The following TULP1 variants were observed in gnomAD, a reference collection of about 807,000 sequenced individuals.
TULP1 encodes the protein TUB like protein 1.
In TULP1, 50 loss-of-function variants were observed where a neutral mutation model predicts 67.1. The observed-to-expected ratio is 0.75, with a 90% CI of 0.59 to 0.94. TULP1 has a LOEUF of 0.94. TULP1 is among the 40% of genes least tolerant of loss of function. The pLI is 0.00. For synonymous variants in TULP1, 297 were observed against 294.0 expected, an observed-to-expected ratio of 1.01 and a Z score of -0.11; for missense variants, 746 against 734.1, an observed-to-expected ratio of 1.02 and a Z score of -0.19.
intron 13 of TULP1, among the ~76,000 whole-genome samples, chr6:35,501,509 G>GAAAA (rs67875217): frequency 0.075 from 6,598 of 88,534 alleles, 560 homozygotes; most frequent in Admixed American, 0.11. Context: ...CTCGGTCTCA[G>GAAAA]AAAAAAAAAA....
rs768633111 is a variant in TULP1 at position 35,512,654 on chromosome 6, C to T, written c.84G>A (p.Pro28=). 5 of 1,613,774 alleles carry T rather than the reference C, an allele frequency of 3.1e-6. No homozygotes were observed. Among genetic ancestry groups the T allele is most frequent in the Non-Finnish European group, 4.2e-6 (5 of 1,179,936 alleles). Reference sequence around the variant, plus strand: ...GGTGGCATACCTGTTTGGGGCGCCGCGGGGCCTCCGGGCTCAGGCTTTCTT... The same window carrying T: ...GGTGGCATACCTGTTTGGGGCGCCGTGGGGCCTCCGGGCTCAGGCTTTCTT... The part of the protein sequence containing the change: ...HEEESLSPEA[P]RRPKQRPAPA... The change falls in exon 2 of 15, where the codon CCG becomes CCA. Residue 28 remains proline (P), a synonymous_variant. Coordinates refer to ENST00000229771, the MANE Select transcript of TULP1 (RefSeq NM_003322.6).
chr6:35,509,270 TC>T lies in TULP1; in HGVS notation c.760del (p.Glu254ArgfsTer5). The T allele has an allele frequency of 6.2e-7, 1 of 1,606,518 alleles. No individual in the cohort carries two copies. Among genetic ancestry groups the T allele is most frequent in the East Asian group, 2.2e-5 (1 of 44,740 alleles). On this transcript the variant is annotated frameshift_variant, in exon 8 of 15. Coordinates refer to ENST00000229771, the MANE Select transcript of TULP1 (RefSeq NM_003322.6). LOFTEE classifies it high-confidence loss of function. ...GARKEEEEEE[E>X]AATVIKKSNQ... ...GCTCTTCTTTATCACCGTAGCTGCC[TC>T]CTCCTCCTCTTCTTCCTCCTTCCTC...
intron 7 of TULP1, 143 bp from the exon 8 acceptor site, chr6:35,509,455 A>G: frequency 9.2e-7 from 1 of 1,083,496 alleles, no homozygotes; most frequent in Non-Finnish European, 1.4e-6. Context: ...AAAGGCTAAG[A>G]CACCTGCCTG....
At chr6:35,508,705 G>A (rs556001085) in intron 8 of TULP1, among the ~76,000 whole-genome samples, 1 of 152,316 alleles carries the variant, frequency 6.6e-6, no homozygotes, top group East Asian at 1.9e-4. Flanking sequence ...GGAGAAACAG[G>A]GAGGCTCCTG....
chr6:35,498,263 C>T lies in TULP1; in HGVS notation c.*64G>A. 1 of 1,594,474 alleles carries T rather than the reference C, an allele frequency of 6.3e-7. No homozygotes were observed. Among genetic ancestry groups the T allele is most frequent in the Non-Finnish European group, 8.5e-7 (1 of 1,174,140 alleles). ...GGGAGCTTTGCTGGAGGGACCCTGC[C>T]AGCCTCCACTGAATCCTTTCCCCCA... On this transcript the variant is annotated 3_prime_UTR_variant, in exon 15 of 15. Coordinates refer to ENST00000229771, the MANE Select transcript of TULP1 (RefSeq NM_003322.6). This position sits in a 1 kb window ranked among gnomAD's most constrained non-coding sequence, Gnocchi z 6.7.
Position 35,498,255 on chromosome 6 carries a change from G to T in TULP1, c.*72C>A, listed in dbSNP as rs773083501. The T allele has an allele frequency of 1.9e-6, 3 of 1,581,474 alleles. No individual in the cohort carries two copies. The highest frequency in any genetic ancestry group is 2.7e-5 in the African/African-American group (2 of 74,322). On this transcript the variant is annotated 3_prime_UTR_variant, in exon 15 of 15. Coordinates refer to ENST00000229771, the MANE Select transcript of TULP1 (RefSeq NM_003322.6). This position sits in a 1 kb window ranked among gnomAD's most constrained non-coding sequence, Gnocchi z 6.7. ...TTTTCCGCGGGAGCTTTGCTGGAGG[G>T]ACCCTGCCAGCCTCCACTGAATCCT... is the stretch of plus-strand genomic sequence containing the variant.
Position 35,500,134 on chromosome 6 carries a change from C to T in TULP1, c.1342G>A (p.Val448Met). 6.2e-7 allele frequency: 1 copy of T among 1,614,070 alleles called. No individual in the cohort carries two copies. The highest frequency in any genetic ancestry group is 8.5e-7 in the Non-Finnish European group (1 of 1,180,018). ...TCCAGCGTCTTGTTCTGCCAGCGCA[C>T]CAGCAGGCCGTCACTAGCCTGGGGT... Reference protein sequence around the residue: ...RPRNASDGLLVRWQNKTLESL... With the variant: ...RPRNASDGLLMRWQNKTLESL... The change falls in exon 14 of 15, where the codon GTG (valine) becomes ATG (methionine). Residue 448 changes from valine to methionine, a missense_variant. Coordinates refer to ENST00000229771, the MANE Select transcript of TULP1 (RefSeq NM_003322.6).
chr6:35,500,248 C>G (rs770601191), intron 13 of TULP1, 96 bp from the exon 14 acceptor site: 12 of 1,369,234 alleles, frequency 8.8e-6, no homozygotes, highest in Non-Finnish European at 1.2e-5. Context: ...CATGTGTGCA[C>G]AGGGGTGTGG....
intron 8 of TULP1, among the ~76,000 whole-genome samples, chr6:35,506,766 G>C (rs1208735463): frequency 6.6e-6 from 1 of 152,152 alleles, no homozygotes; most frequent in Non-Finnish European, 1.5e-5. Flanking sequence ...CACATAACTA[G>C]TAAGAGGTGG....
intron 14 of TULP1, among the ~76,000 whole-genome samples, chr6:35,499,766 G>T (rs1768788718): frequency 6.6e-6 from 1 of 152,186 alleles, no homozygotes; most frequent in Non-Finnish European, 1.5e-5. Context: ...ATGGGAACCT[G>T]AAGTGATGAG....
rs529784472 is a variant in TULP1, at chr6:35,509,976, T to G, written c.500-48A>C. The stretch of plus-strand genomic sequence containing the variant: ...AGGCAAAGAAGGTGTCTACTGGGGC[T>G]GAAGGCTGCCTTCCAACCCTCTTGT... On this transcript the variant is annotated intron_variant, in intron 5 of 14. Transcript: ENST00000229771. 3 of 1,583,844 alleles carry G rather than the reference T, an allele frequency of 1.9e-6. No homozygotes were observed. The South Asian group carries it at 3.3e-5, about 17-fold the overall frequency.
Position 35,506,287 on chromosome 6 carries a change from C to A in TULP1, c.823-8G>T, listed in dbSNP as rs372183095. ...AGGACAACTCACCGCTTTCTGTGTG[C>A]GGAGAGAACAGAGAGGCTGGCTAGA... On this transcript the variant is annotated splice_region_variant and splice_polypyrimidine_tract_variant and intron_variant, in intron 8 of 14. Transcript: ENST00000229771. The A allele has an allele frequency of 1.9e-6, 3 of 1,570,772 alleles. No homozygotes were observed. Among genetic ancestry groups the A allele is most frequent in the African/African-American group, 2.7e-5 (2 of 73,982 alleles).
chr6:35,510,674 G>C, intron 5 of TULP1, 187 bp downstream of exon 5: 1 of 1,309,678 alleles, frequency 7.6e-7, no homozygotes, highest in Non-Finnish European at 1.0e-6. Context: ...GCCAGGGGTG[G>C]AGGCATATAT....
At chr6:35,500,180 G>A (rs1021317319) in intron 13 of TULP1, 28 bp from the exon 14 acceptor site, 70 of 1,612,896 alleles carry the variant, frequency 4.3e-5, no homozygotes, top group Non-Finnish European at 5.8e-5. Context: ...AGTAGACAGG[G>A]AGAGGACAGT....
In TULP1 at chr6:35,505,721, C is replaced by T; in HGVS notation, c.1112+20G>A. ...TTTTGCTGACCCAAGTCCCCCCAGC[C>T]CCAGGAAGCCCAGCCCCACCTCAGC... On this transcript the variant is annotated intron_variant, in intron 11 of 14. Transcript: ENST00000229771. 1 of 1,613,786 alleles carries T rather than the reference C, an allele frequency of 6.2e-7. No homozygotes were observed. The highest frequency in any genetic ancestry group is 8.5e-7 in the Non-Finnish European group (1 of 1,179,866).
Position 35,498,465 on chromosome 6 carries a change from G to A in TULP1, c.1496-5C>T. ...ACTGCAGCACGATATAGTCGGCTATGGACACAAGACGGGGTGGGGGCGGCC... is the reference window on the plus strand; with the variant it reads ...ACTGCAGCACGATATAGTCGGCTATAGACACAAGACGGGGTGGGGGCGGCC... On this transcript the variant is annotated splice_polypyrimidine_tract_variant and splice_region_variant and intron_variant, in intron 14 of 14. Coordinates refer to ENST00000229771, the MANE Select transcript of TULP1 (RefSeq NM_003322.6). The surrounding 1 kb of genome is among the most constrained non-coding windows in gnomAD (Gnocchi z 6.7). The A allele has an allele frequency of 6.2e-7, 1 of 1,613,758 alleles. No individual in the cohort carries two copies. Among genetic ancestry groups the A allele is most frequent in the East Asian group, 2.2e-5 (1 of 44,878 alleles).
chr6:35,512,712 G>A, intron 1 of TULP1, 22 bp from the exon 2 acceptor site: 2 of 1,613,602 alleles, frequency 1.2e-6, no homozygotes, highest in Non-Finnish European at 1.7e-6. Flanking sequence ...AAAGGGATCA[G>A]CCTGTCTCCC....
intron 11 of TULP1, among the ~76,000 whole-genome samples, chr6:35,505,118 A>G (rs7768844): frequency 0.16 from 24,496 of 150,078 alleles, 2,201 homozygotes; most frequent in African/African-American, 0.23. Flanking sequence ...TGTATTTTTA[A>G]TAGAGACGGG....
At chr6:35,511,480 C>G (rs2150928255) in intron 4 of TULP1, among the ~76,000 whole-genome samples, 168 bp downstream of exon 4, 1 of 152,294 alleles carries the variant, frequency 6.6e-6, no homozygotes, top group Non-Finnish European at 1.5e-5. Flanking sequence ...AAAGCACCCT[C>G]TCATAGTTGG....
Sources: gnomAD v4.1 joint callset for allele counts (sites outside exome capture counted in the v4.1 genomes callset) on GRCh38, gnomAD v4.1.1 for gene constraint, Gnocchi (gnomAD v3.1) non-coding constraint, MANE v1.5 for transcripts, NCBI Gene and HGNC (gene_info 2026-07-23, HGNC 2026-07-21) for gene names.